The following MTMR9 variants were observed in gnomAD, a reference collection of about 807,000 sequenced individuals.
The protein encoded by MTMR9 is myotubularin related protein 9, also known as myotubularin-related protein 9.
A neutral mutation model predicts 69.5 loss-of-function variants in MTMR9; 39 were observed. That is an observed-to-expected ratio of 0.56 (90% CI 0.43 to 0.73). The LOEUF is 0.73. Ranked by LOEUF, MTMR9 falls within the 30% of genes least tolerant of loss-of-function variation. The pLI, the probability that MTMR9 is intolerant of heterozygous loss-of-function variation, is 0.00. For synonymous variants in MTMR9, 354 were observed against 240.8 expected (o/e 1.47, Z -4.35); for missense variants, 900 against 671.2 (o/e 1.34, Z -3.77).
At chr8:11,338,317 C>G in the MTMR9 span, among the ~76,000 whole-genome samples, 3 of 152,184 alleles carry the variant, frequency 2.0e-5, no homozygotes, top group Non-Finnish European at 4.4e-5. Context: ...GTCCAGAGGT[C>G]TTCCCATCAT....
intron 1 of MTMR9, among the ~76,000 whole-genome samples, chr8:11,288,491 G>T (rs926197451): frequency 1.3e-5 from 2 of 151,580 alleles, no homozygotes; most frequent in Non-Finnish European, 2.9e-5. Flanking sequence ...ACTACAGACC[G>T]GAATGAAATG....
downstream of MTMR9, among the ~76,000 whole-genome samples, chr8:11,329,367 A>G (rs1398206560): frequency 6.6e-6 from 1 of 152,202 alleles, no homozygotes; most frequent in Non-Finnish European, 1.5e-5. Context: ...ATGCCGAGCC[A>G]AAGCTGGACT....
intron 6 of MTMR9, among the ~76,000 whole-genome samples, chr8:11,312,510 C>A (rs1220763508): frequency 6.6e-6 from 1 of 152,210 alleles, no homozygotes; most frequent in Admixed American, 6.5e-5. Flanking sequence ...CCATGCCCCA[C>A]CTTCAGGTTC....
intron 1 of MTMR9, among the ~76,000 whole-genome samples, chr8:11,292,082 G>C (rs1799396650): frequency 1.3e-5 from 2 of 152,026 alleles, no homozygotes; most frequent in African/African-American, 4.8e-5. Context: ...AGATGAGTTT[G>C]CATTATCTAG....
chr8:11,335,012 C>T, the MTMR9 span, among the ~76,000 whole-genome samples: 1 of 152,178 alleles, frequency 6.6e-6, no homozygotes, highest in Admixed American at 6.5e-5. Context: ...CTGCTGATAT[C>T]AGGAACAAGA....
chr8:11,290,008 G>C (rs750176853), intron 1 of MTMR9, among the ~76,000 whole-genome samples: 1 of 152,180 alleles, frequency 6.6e-6, no homozygotes, highest in East Asian at 1.9e-4. Context: ...GCGCCATAAA[G>C]TAGGTGCGTA....
intron 1 of MTMR9, among the ~76,000 whole-genome samples, chr8:11,290,359 G>T (rs559762802): frequency 2.2e-4 from 33 of 152,100 alleles, no homozygotes; most frequent in Admixed American, 7.9e-4. Context: ...TACTCTGTGG[G>T]TGTTCATTCT....
chr8:11,289,599 C>T (rs1799307997), intron 1 of MTMR9, among the ~76,000 whole-genome samples: 1 of 152,028 alleles, frequency 6.6e-6, no homozygotes, highest in Non-Finnish European at 1.5e-5. Flanking sequence ...TTCTTCCTCC[C>T]TAATTTTCAC....
intron 6 of MTMR9, 102 bp downstream of exon 6, chr8:11,309,790 A>G: frequency 1.5e-6 from 2 of 1,316,596 alleles, no homozygotes; most frequent in Non-Finnish European, 2.1e-6. Flanking sequence ...GTTTGCAGTA[A>G]ATTACTGTGT....
At chr8:11,315,631 C>T (rs1800385495) in intron 7 of MTMR9, among the ~76,000 whole-genome samples, 1 of 152,190 alleles carries the variant, frequency 6.6e-6, no homozygotes, top group South Asian at 2.1e-4. Context: ...GCTTACATAT[C>T]TTGAAAGCAG....
downstream of MTMR9, among the ~76,000 whole-genome samples, chr8:11,329,569 G>T (rs7815804): frequency 0.4 from 61,450 of 152,188 alleles, 13,986 homozygotes; most frequent in East Asian, 0.73. Flanking sequence ...GCCAGCCTCG[G>T]CCTCCTGAGG....
downstream of MTMR9, among the ~76,000 whole-genome samples, chr8:11,330,200 G>A (rs571632474): frequency 1.3e-5 from 2 of 151,588 alleles, no homozygotes; most frequent in African/African-American, 4.8e-5. Context: ...GAGGGAGGTG[G>A]GGGGTCAGCC....
At chr8:11,333,251 C>G in the MTMR9 span, among the ~76,000 whole-genome samples, 2 of 152,200 alleles carry the variant, frequency 1.3e-5, no homozygotes, top group Admixed American at 1.3e-4. Flanking sequence ...TTGAAAGTAG[C>G]AAGAGAATCA....
chr8:11,315,174 TTGTG>T lies in MTMR9; in HGVS notation c.1113+114_1113+117del, dbSNP rs1800364982. 6 of 1,375,692 alleles carry T rather than the reference TTGTG, an allele frequency of 4.4e-6. No homozygotes were observed. In the Admixed American group the frequency reaches 1.1e-4, roughly 26 times the overall value. The allele number at this position is 1,375,692 out of a possible 1,614,324, so 85.2% of individuals were successfully genotyped here. ...ATTTCGATTGATTAAAATTTCTAAG[TTGTG>T]TGTTTAATTTACTGCAGGACAGTTA... On this transcript the variant is annotated intron_variant, in intron 7 of 9. Transcript: ENST00000221086.
rs1328262256 is a variant in MTMR9 at position 11,327,627 on chromosome 8, C to G, written c.*4839C>G. 1 of 152,628 alleles carries G rather than the reference C, an allele frequency of 6.6e-6. No individual in the cohort carries two copies. The highest frequency in any genetic ancestry group is 1.5e-5 in the Non-Finnish European group (1 of 68,034). 9.5% of individuals were successfully genotyped at this position (152,628 alleles called of 1,614,324 possible). A position where few individuals can be genotyped will look rare whatever the true frequency, so the allele number is the denominator to read the frequency against. Reference sequence around the variant, plus strand: ...TTATAAAAACAAAGAATGTGTATTTCTTCAATAGCCGGGTATTTGGATTGT... The same window carrying G: ...TTATAAAAACAAAGAATGTGTATTTGTTCAATAGCCGGGTATTTGGATTGT... On this transcript the variant is annotated 3_prime_UTR_variant, in exon 10 of 10. Coordinates refer to ENST00000221086, the MANE Select transcript of MTMR9 (RefSeq NM_015458.4).
downstream of MTMR9, chr8:11,332,019 G>C (rs1801253993): frequency 3.1e-6 from 5 of 1,611,800 alleles, no homozygotes; most frequent in Non-Finnish European, 4.2e-6. Flanking sequence ...CCATGAGACT[G>C]TGGCACTTTC....
chr8:11,285,236 T>G, intron 1 of MTMR9, 166 bp downstream of exon 1: 1 of 626,300 alleles, frequency 1.6e-6, no homozygotes, highest in Non-Finnish European at 2.6e-6. Context: ...CCCGTCCAGA[T>G]GGAGGACCCG....
intron 6 of MTMR9, among the ~76,000 whole-genome samples, chr8:11,314,452 T>G (rs1800329065): frequency 6.6e-6 from 1 of 152,172 alleles, no homozygotes; most frequent in Non-Finnish European, 1.5e-5. Flanking sequence ...AATTACAGTT[T>G]ATGAAGGTGT....
intron 9 of MTMR9, chr8:11,320,719 C>G (rs1046930012): frequency 1.3e-5 from 2 of 151,806 alleles, no homozygotes; most frequent in Non-Finnish European, 2.9e-5. Flanking sequence ...GGTGACACAA[C>G]GAGACTTTCT....
Sources: allele counts gnomAD v4.1 joint callset (sites outside exome capture counted in the v4.1 genomes callset), GRCh38; gene constraint gnomAD v4.1.1; transcripts MANE v1.5; gene names NCBI Gene and HGNC (gene_info 2026-07-23, HGNC 2026-07-21).